Variants in VAV2 observed in about 807,000 individuals in gnomAD.
The protein encoded by VAV2 is guanine nucleotide exchange factor VAV2.
In VAV2, 67 loss-of-function variants were observed where a neutral mutation model predicts 132.5. The observed-to-expected ratio is 0.51, with a 90% confidence interval of 0.42 to 0.62. The LOEUF is 0.62. VAV2 is among the 20% of genes least tolerant of loss of function. The pLI is 0.00. For synonymous variants in VAV2, 492 were observed against 443.5 expected (o/e 1.11, Z -1.37); for missense variants, 938 against 1,153.6 (o/e 0.81, Z 2.71).
chr9:133,944,853 C>T (rs1051553329), intron 1 of VAV2, among the ~76,000 whole-genome samples: 6 of 152,206 alleles, frequency 3.9e-5, no homozygotes, highest in South Asian at 2.1e-4. Flanking sequence ...AGGTGACCCT[C>T]GCTGCTCCCT....
intron 1 of VAV2, among the ~76,000 whole-genome samples, chr9:133,959,749 CTCTT>C (rs1293065238): frequency 6.6e-6 from 1 of 152,184 alleles, no homozygotes; most frequent in East Asian, 1.9e-4. Context: ...GACCAGCATC[CTCTT>C]AAGAGACAGA....
intron 1 of VAV2, among the ~76,000 whole-genome samples, chr9:133,954,732 G>A (rs1841690731): frequency 6.6e-6 from 1 of 152,198 alleles, no homozygotes; most frequent in Non-Finnish European, 1.5e-5. Context: ...GGGTGCGCAG[G>A]TGCTTAGGGG....
intron 13 of VAV2, among the ~76,000 whole-genome samples, chr9:133,790,131 G>A (rs987253768): frequency 6.6e-6 from 1 of 152,192 alleles, no homozygotes; most frequent in African/African-American, 2.4e-5. Context: ...TGGGTACAGG[G>A]CCTGGCTCAT....
chr9:133,823,882 C>T lies in VAV2; in HGVS notation c.449+10390G>A, dbSNP rs182777834. On this transcript the variant is annotated intron_variant, in intron 4 of 29. Coordinates refer to ENST00000371850, the MANE Select transcript of VAV2 (RefSeq NM_001134398.2). The surrounding 1 kb of genome is among the most constrained non-coding windows in gnomAD (Gnocchi z 5.5). ...ACCTGCTCACACACACACGGGAATG[C>T]GGAGCGGGCAGGGTGGTCACGCGCA... Among the ~76,000 whole-genome samples the T allele has an allele frequency of 6.1e-3, 935 of 152,304 alleles. 53 individuals are homozygous for T. The highest frequency in any genetic ancestry group is 0.055 in the Admixed American group (837 of 15,296).
chr9:133,979,524 G>A (rs1326378510), intron 1 of VAV2, among the ~76,000 whole-genome samples: 1 of 152,202 alleles, frequency 6.6e-6, no homozygotes, highest in African/African-American at 2.4e-5. Context: ...CCGGAACTCG[G>A]ACAGAGGATG....
intron 9 of VAV2, among the ~76,000 whole-genome samples, chr9:133,801,086 C>T (rs1412402152): frequency 6.6e-6 from 1 of 152,244 alleles, no homozygotes; most frequent in Non-Finnish European, 1.5e-5. Context: ...AGCACCCAGC[C>T]CGGAGCCTGC....
At chr9:133,868,829 C>T (rs1837911111) in intron 2 of VAV2, among the ~76,000 whole-genome samples, 1 of 152,150 alleles carries the variant, frequency 6.6e-6, no homozygotes, top group Non-Finnish European at 1.5e-5. Flanking sequence ...GACACTCAAG[C>T]CAGGCAATAG....
rs776157987 is a variant in VAV2 at position 133,779,936 on chromosome 9, C to G, written c.1744G>C (p.Ala582Pro). 6.2e-7 allele frequency: 1 copy of G among 1,612,374 alleles called. No homozygotes were observed. Among genetic ancestry groups the G allele is most frequent in the African/African-American group, 1.3e-5 (1 of 74,916 alleles). Residue 582 changes from alanine to proline, a missense_variant, in exon 21 of 30, where the codon GCC becomes CCC. Physicochemically the swap from Ala to Pro is conservative, Grantham distance 27 (BLOSUM62 -1). Transcript: ENST00000371850. ...GACTCACCTGGTCCCGCTCCGGAGG[C>G]GTCCTGTGAGGACAAGGACAGAACA... ...CKFTSPADLD[A>P]SGAGPGPKMV...
At chr9:133,791,258 C>T (rs1028813102) in intron 13 of VAV2, among the ~76,000 whole-genome samples, 8 of 152,198 alleles carry the variant, frequency 5.3e-5, no homozygotes, top group African/African-American at 1.9e-4. Context: ...TCTGCAGGGC[C>T]AGACTCTGGG....
chr9:133,835,416 G>T (rs555867688), intron 3 of VAV2, among the ~76,000 whole-genome samples: 1 of 151,672 alleles, frequency 6.6e-6, no homozygotes, highest in African/African-American at 2.4e-5. Context: ...GGAGGGAGGG[G>T]TGGGGAGGGA....
intron 19 of VAV2, among the ~76,000 whole-genome samples, chr9:133,781,792 G>A (rs1834016287): frequency 6.6e-6 from 1 of 152,238 alleles, no homozygotes; most frequent in Non-Finnish European, 1.5e-5. Context: ...GAGGAGGGGG[G>A]CAAGGACACA....
At chr9:133,913,432 C>T (rs201943810) in intron 2 of VAV2, among the ~76,000 whole-genome samples, 6 of 152,182 alleles carry the variant, frequency 3.9e-5, no homozygotes, top group African/African-American at 1.4e-4. Flanking sequence ...GGGTGGTGCG[C>T]GCTTCCTGGT....
rs768801167 is a variant in VAV2, at chr9:133,788,954, G to A, written c.1274+304C>T. Among the ~76,000 whole-genome samples, 16 of 152,340 alleles carry A rather than the reference G, an allele frequency of 1.1e-4. No individual in the cohort carries two copies. Among genetic ancestry groups the A allele is most frequent in the Admixed American group, 9.1e-4 (14 of 15,306 alleles). On this transcript the variant is annotated intron_variant, in intron 14 of 29. Transcript: ENST00000371850. This position sits in a 1 kb window ranked among gnomAD's most constrained non-coding sequence, Gnocchi z 5.3. ...CAGTCATTTGGCAAAGAGCCCATCCGACCACTCTGGGCCTGTCTTGGGTTC... is the reference window on the plus strand; with the variant it reads ...CAGTCATTTGGCAAAGAGCCCATCCAACCACTCTGGGCCTGTCTTGGGTTC...
chr9:133,851,613 C>T (rs1396269210), intron 3 of VAV2, among the ~76,000 whole-genome samples: 1 of 152,136 alleles, frequency 6.6e-6, no homozygotes, highest in Non-Finnish European at 1.5e-5. Flanking sequence ...CACACTGAGA[C>T]CAATCGCGTT....
At chr9:133,847,048 G>A (rs78963317) in intron 3 of VAV2, among the ~76,000 whole-genome samples, 2,124 of 152,280 alleles carry the variant, frequency 0.014, 40 homozygotes, top group African/African-American at 0.049. Context: ...GGGGCTGGGC[G>A]AGGGCCAGCT....
intron 1 of VAV2, among the ~76,000 whole-genome samples, chr9:133,988,184 G>T: frequency 6.6e-6 from 1 of 152,224 alleles, no homozygotes; most frequent in South Asian, 2.1e-4. Context: ...CGCCGTGTGC[G>T]CTCGAGGGGC....
At chr9:133,920,833 G>T (rs1159259305) in intron 2 of VAV2, among the ~76,000 whole-genome samples, 1 of 152,128 alleles carries the variant, frequency 6.6e-6, no homozygotes, top group East Asian at 1.9e-4. Context: ...CCCCAACTGA[G>T]GTCCCTGAAG....
chr9:133,930,529 T>C lies in VAV2; in HGVS notation c.321+8574A>G, dbSNP rs1040669792. 1.1e-4 allele frequency among the ~76,000 whole-genome samples: 16 copies of C among 152,262 alleles called. 1 individual carries two copies. Among genetic ancestry groups the C allele is most frequent in the Non-Finnish European group, 5.9e-5 (4 of 68,050 alleles). On this transcript the variant is annotated intron_variant, in intron 2 of 29. Coordinates refer to ENST00000371850, the MANE Select transcript of VAV2 (RefSeq NM_001134398.2). ...CGTGCGCCTTCCATACAGACAACTGTGCTGCGTGCAACAGCTGCCTTGCTA... is the reference window on the plus strand; with the variant it reads ...CGTGCGCCTTCCATACAGACAACTGCGCTGCGTGCAACAGCTGCCTTGCTA...
chr9:133,807,145 A>T, intron 8 of VAV2, 113 bp downstream of exon 8: 1 of 1,253,890 alleles, frequency 8.0e-7, no homozygotes, highest in Non-Finnish European at 1.1e-6. Flanking sequence ...ACGAGCCACC[A>T]CGGAGCCACA....
Sources: gnomAD v4.1 joint callset for allele counts (sites outside exome capture counted in the v4.1 genomes callset) on GRCh38, gnomAD v4.1.1 for gene constraint, Gnocchi (gnomAD v3.1) non-coding constraint, MANE v1.5 for transcripts, NCBI Gene and HGNC (gene_info 2026-07-23, HGNC 2026-07-21) for gene names.